The following GPHN variants were observed in gnomAD, a reference collection of about 807,000 sequenced individuals.
GPHN encodes the protein gephyrin.
Under a neutral mutation model 95.5 loss-of-function variants are expected in GPHN, and 17 were observed. The observed-to-expected ratio is 0.18, with a 90% confidence interval of 0.12 to 0.27. GPHN has a LOEUF of 0.27. Among genes scored for constraint, GPHN ranks in the 10% least tolerant of loss-of-function variants. The probability of loss-of-function intolerance (pLI) is 1.00; values close to 1 mark genes in which losing one functional copy is unlikely to be tolerated. For missense variants in GPHN, 660 were observed against 978.1 expected (o/e 0.67, Z 4.34); for synonymous variants, 320 against 322.5 (o/e 0.99, Z 0.08).
intron 19 of GPHN, among the ~76,000 whole-genome samples, chr14:67,161,498 A>G (rs1798708913): frequency 1.3e-5 from 2 of 152,086 alleles, no homozygotes; most frequent in Non-Finnish European, 2.9e-5. Context: ...GCAGTGGCTC[A>G]CACCTATAAT....
the GPHN span, among the ~76,000 whole-genome samples, chr14:67,705,784 C>T: frequency 1.3e-5 from 2 of 152,090 alleles, no homozygotes; most frequent in Non-Finnish European, 2.9e-5. Context: ...TTTTAAAAGA[C>T]ACATTTGATC....
At chr14:67,551,796 C>T in the GPHN span, among the ~76,000 whole-genome samples, 1 of 151,910 alleles carries the variant, frequency 6.6e-6, no homozygotes, top group Non-Finnish European at 1.5e-5. Context: ...GATCGAGAAT[C>T]GCTTGAACCT....
chr14:66,657,161 G>C (rs1393270861), intron 1 of GPHN, among the ~76,000 whole-genome samples: 1 of 152,214 alleles, frequency 6.6e-6, no homozygotes. Flanking sequence ...AGTCTGGCTA[G>C]ATTGGACTAG....
chr14:66,587,383 G>A (rs1300398978), intron 1 of GPHN, among the ~76,000 whole-genome samples: 4 of 152,070 alleles, frequency 2.6e-5, no homozygotes. Flanking sequence ...TATTTTAAGA[G>A]GCCTGTATGA....
the GPHN span, among the ~76,000 whole-genome samples, chr14:67,214,536 G>A: frequency 2.0e-5 from 3 of 152,060 alleles, no homozygotes; most frequent in African/African-American, 4.8e-5. Flanking sequence ...TCTCTGTTTT[G>A]GTACCAGTAC....
chr14:66,653,884 CT>C (rs2065178747), intron 1 of GPHN, among the ~76,000 whole-genome samples: 1 of 152,158 alleles, frequency 6.6e-6, no homozygotes, highest in African/African-American at 2.4e-5. Flanking sequence ...CTGTAACCCC[CT>C]ATACAGGTTT....
At chr14:66,915,585 T>C (rs1460216329) in intron 5 of GPHN, among the ~76,000 whole-genome samples, 1 of 152,214 alleles carries the variant, frequency 6.6e-6, no homozygotes, top group Non-Finnish European at 1.5e-5. Context: ...ATAGACTTCC[T>C]GAGAAGCAAG....
intron 1 of GPHN, among the ~76,000 whole-genome samples, chr14:66,554,349 C>T (rs751537171): frequency 7.9e-5 from 12 of 152,216 alleles, no homozygotes; most frequent in Admixed American, 1.3e-4. Flanking sequence ...TTTTTGTATT[C>T]GTCCATTCTC....
the GPHN span, among the ~76,000 whole-genome samples, chr14:67,216,898 G>A: frequency 6.6e-6 from 1 of 152,166 alleles, no homozygotes; most frequent in Non-Finnish European, 1.5e-5. Flanking sequence ...GCTGTTGGAT[G>A]AAATGTTCTA....
At chr14:67,369,606 G>A in the GPHN span, among the ~76,000 whole-genome samples, 1 of 152,232 alleles carries the variant, frequency 6.6e-6, no homozygotes, top group South Asian at 2.1e-4. Context: ...ATTTCTAAGG[G>A]TTGGAATACA....
At chr14:67,400,872 C>T in the GPHN span, among the ~76,000 whole-genome samples, 1 of 151,918 alleles carries the variant, frequency 6.6e-6, no homozygotes, top group Non-Finnish European at 1.5e-5. Context: ...CATCTGCAGT[C>T]CCAGCTACTT....
the GPHN span, among the ~76,000 whole-genome samples, chr14:67,401,841 C>T: frequency 1.3e-5 from 2 of 151,926 alleles, no homozygotes; most frequent in Admixed American, 1.3e-4. Context: ...AATACAAATA[C>T]AGGCCGGCGC....
chr14:67,081,218 T>C (rs181200642), intron 11 of GPHN, among the ~76,000 whole-genome samples: 1 of 152,312 alleles, frequency 6.6e-6, no homozygotes, highest in East Asian at 1.9e-4. Context: ...CAAGTTTACA[T>C]TTCTACCAGC....
chr14:67,695,637 G>C, the GPHN span: 1 of 1,614,000 alleles, frequency 6.2e-7, no homozygotes, highest in Non-Finnish European at 8.5e-7. Context: ...GACCTGATTT[G>C]GGGCGCAGCC....
the GPHN span, among the ~76,000 whole-genome samples, chr14:67,351,528 A>T: frequency 6.6e-6 from 1 of 152,186 alleles, no homozygotes; most frequent in Non-Finnish European, 1.5e-5. Flanking sequence ...TTATTTTTTG[A>T]GACAAGGTCT....
chr14:67,412,303 C>CA, the GPHN span: 1 of 429,908 alleles, frequency 2.3e-6, no homozygotes, highest in Non-Finnish European at 4.1e-6. Flanking sequence ...GTTGGTCCTC[C>CA]AGGTACAGAG....
chr14:66,726,503 GTCT>G (rs1487854040), intron 2 of GPHN, among the ~76,000 whole-genome samples: 1 of 152,136 alleles, frequency 6.6e-6, no homozygotes, highest in Non-Finnish European at 1.5e-5. Flanking sequence ...TGCTAGAGCA[GTCT>G]TCTTCTAGGG....
chr14:66,843,430 CACTGAGTTAGACTGCTG>C (rs1223887925), intron 4 of GPHN, among the ~76,000 whole-genome samples: 67 of 152,194 alleles, frequency 4.4e-4, no homozygotes, highest in African/African-American at 1.3e-3. Flanking sequence ...TGCCTTGTGC[CACTGAGTTAGACTGCTG>C]ACTGAGTTAG....
chr14:66,891,408 T>G (rs557489044), intron 5 of GPHN, among the ~76,000 whole-genome samples: 2 of 152,260 alleles, frequency 1.3e-5, no homozygotes, highest in South Asian at 4.1e-4. Flanking sequence ...GAATAGTCTT[T>G]TCAACGAATG....
Sources: allele counts gnomAD v4.1 joint callset (sites outside exome capture counted in the v4.1 genomes callset), GRCh38; gene constraint gnomAD v4.1.1; transcripts MANE v1.5; gene names NCBI Gene and HGNC (gene_info 2026-07-23, HGNC 2026-07-21).